The following FAH variants were observed in gnomAD, a reference collection of about 807,000 sequenced individuals.
FAH encodes the protein fumarylacetoacetase.
In FAH, 47 loss-of-function variants were observed where a neutral mutation model predicts 55.8. The ratio of observed to expected loss-of-function variants is 0.84; its 90% CI spans 0.67 to 1.07. The LOEUF is 1.07. Ranked by LOEUF, FAH falls within the 50% of genes least tolerant of loss-of-function variation. FAH has a pLI of 0.00. For synonymous variants in FAH, 199 were observed against 207.7 expected (o/e 0.96, Z 0.36); for missense variants, 495 against 545.9 (o/e 0.91, Z 0.93).
Position 80,153,223 on chromosome 15 carries a change from G to GA in FAH, c.81+90dup, listed in dbSNP as rs541677717. 2.6e-5 allele frequency: 28 copies of GA among 1,095,414 alleles called. No homozygotes were observed. In the East Asian group the frequency reaches 6.6e-4, roughly 26 times the overall value. The allele number at this position is 1,095,414 out of a possible 1,614,324, so 67.9% of individuals were successfully genotyped here. A position where few individuals can be genotyped will look rare whatever the true frequency, so the allele number is the denominator to read the frequency against. ...GAGTGGAGTGGAGTGGAATGGAGTG[G>GA]AATGAGGGGCGGGATGGAGGCTTGT... is the stretch of plus-strand genomic sequence containing the variant. On this transcript the variant is annotated intron_variant, in intron 1 of 13. Transcript: ENST00000561421.
chr15:80,158,487 G>C (rs1271658613), intron 2 of FAH, among the ~76,000 whole-genome samples: 1 of 152,200 alleles, frequency 6.6e-6, no homozygotes, highest in Non-Finnish European at 1.5e-5. Flanking sequence ...TTGTCAAGCT[G>C]TTTGAGCCTC....
At chr15:80,174,960 C>T (rs2041269931) in intron 9 of FAH, 56 bp from the exon 10 acceptor site, 5 of 1,518,466 alleles carry the variant, frequency 3.3e-6, no homozygotes, top group Non-Finnish European at 3.7e-6. Context: ...GGGGGCCCAG[C>T]CGGGTGAGCT....
chr15:80,172,758 C>T (rs1199925037), intron 8 of FAH, among the ~76,000 whole-genome samples: 5 of 152,238 alleles, frequency 3.3e-5, no homozygotes, highest in Non-Finnish European at 7.3e-5. Flanking sequence ...GAGCTTCCAG[C>T]CCCTTCCTGG....
Position 80,158,170 on chromosome 15 carries a change from G to C in FAH, c.192G>C (p.Gln64His). ...VLSKHQDVFNQPTLNSFMGLG... is the reference protein window; with the variant it reads ...VLSKHQDVFNHPTLNSFMGLG... Reference sequence around the variant, plus strand: ...CCAAACACCAGGATGTCTTCAATCAGGTAGGACATTGTGAAACGACTTGTC... The same window carrying C: ...CCAAACACCAGGATGTCTTCAATCACGTAGGACATTGTGAAACGACTTGTC... The change falls in exon 2 of 14, where the codon CAG (glutamine) becomes CAC (histidine). Residue 64 changes from glutamine to histidine, a missense_variant and splice_region_variant. Physicochemically the swap from Gln to His is conservative, Grantham distance 24. Transcript: ENST00000561421. The C allele has an allele frequency of 6.2e-7, 1 of 1,606,400 alleles. No individual in the cohort carries two copies. The highest frequency in any genetic ancestry group is 1.1e-5 in the South Asian group (1 of 90,914).
chr15:80,177,703 C>A, intron 11 of FAH, 120 bp downstream of exon 11: 1 of 894,136 alleles, frequency 1.1e-6, no homozygotes, highest in Non-Finnish European at 1.9e-6. Context: ...AGCCTGTGGG[C>A]CTGGAGCTTC....
At chr15:80,163,044 A>G (rs2041161754) in intron 5 of FAH, 1 of 155,810 alleles carries the variant, frequency 6.4e-6, no homozygotes, top group Admixed American at 6.2e-5. Flanking sequence ...TCAGTCACAC[A>G]CAGGAGCTGG....
chr15:80,169,323 C>A (rs1167171931), intron 7 of FAH, among the ~76,000 whole-genome samples: 1 of 151,920 alleles, frequency 6.6e-6, no homozygotes, highest in East Asian at 2.0e-4. Flanking sequence ...GCGGAGGTTG[C>A]AGTGAGCTGA....
chr15:80,154,989 G>T (rs2041086417), intron 1 of FAH, among the ~76,000 whole-genome samples: 1 of 152,188 alleles, frequency 6.6e-6, no homozygotes, highest in South Asian at 2.1e-4. Flanking sequence ...CAGCCACATT[G>T]GCTGCCTTTG....
At chr15:80,161,442 T>A (rs1173777496) in intron 4 of FAH, among the ~76,000 whole-genome samples, 1 of 152,216 alleles carries the variant, frequency 6.6e-6, no homozygotes, top group Non-Finnish European at 1.5e-5. Context: ...GCTGTTGGTA[T>A]TGATGAATAT....
chr15:80,178,411 CT>C (rs901876612), intron 11 of FAH, among the ~76,000 whole-genome samples: 1 of 151,938 alleles, frequency 6.6e-6, no homozygotes, highest in Non-Finnish European at 1.5e-5. Context: ...TATTTTTTTT[CT>C]GTTTTTCAGT....
Position 80,172,521 on chromosome 15 carries a change from A to T in FAH, c.706+273A>T, listed in dbSNP as rs74027248. 5.5e-3 allele frequency among the ~76,000 whole-genome samples: 840 copies of T among 152,204 alleles called. 8 individuals are homozygous for T. Among genetic ancestry groups the T allele is most frequent in the African/African-American group, 0.019 (801 of 41,506 alleles). On this transcript the variant is annotated intron_variant, in intron 8 of 13. Transcript: ENST00000561421. ...CACTTATGTGTCAGGCCCTGTGCTTAACACCCTTCGTATATTCTCCCGCTG... is the reference window on the plus strand; with the variant it reads ...CACTTATGTGTCAGGCCCTGTGCTTTACACCCTTCGTATATTCTCCCGCTG...
chr15:80,173,950 C>A (rs1490416206), intron 9 of FAH, among the ~76,000 whole-genome samples: 1 of 152,180 alleles, frequency 6.6e-6, no homozygotes, highest in Non-Finnish European at 1.5e-5. Flanking sequence ...TACCAACACC[C>A]GGTGCTGGTC....
At chr15:80,181,259 CACGCATCCTG>C in intron 13 of FAH, 100 bp downstream of exon 13, 1 of 810,044 alleles carries the variant, frequency 1.2e-6, no homozygotes, top group South Asian at 1.4e-5. Context: ...CATCTGTTCT[CACGCATCCTG>C]ACTCTGCCTC....
chr15:80,177,596 G>T lies in FAH; in HGVS notation c.960+13G>T. ...GTCCAATTTTAAGGTAAGCTTTGAC[G>T]CTGATCAGACTGCTTTTTAGAATTG... On this transcript the variant is annotated intron_variant, in intron 11 of 13. Coordinates refer to ENST00000561421, the MANE Select transcript of FAH (RefSeq NM_000137.4). 6.2e-7 allele frequency: 1 copy of T among 1,610,974 alleles called. No individual in the cohort carries two copies. The highest frequency in any genetic ancestry group is 1.3e-5 in the African/African-American group (1 of 74,982).
rs770713168 is a variant in FAH, at chr15:80,180,137, C to T, written c.974C>T (p.Thr325Met). The change falls in exon 12 of 14, where the codon ACG becomes ATG. Residue 325 changes from threonine (T) to methionine (M), a missense_variant. Physicochemically the swap from Thr to Met is moderately conservative, Grantham distance 81 (BLOSUM62 -1). Transcript: ENST00000561421. ...CATTGCCTGCAGTACATGTACTGGA[C>T]GATGCTGCAGCAGCTCACTCACCAC... The part of the protein sequence containing the change: ...CKSNFKYMYW[T>M]MLQQLTHHSV... The T allele has an allele frequency of 7.5e-6, 12 of 1,610,184 alleles. No homozygotes were observed. Among genetic ancestry groups the T allele is most frequent in the Middle Eastern group, 1.6e-4 (1 of 6,062 alleles).
chr15:80,175,209 A>T (rs372902201), intron 10 of FAH, 118 bp downstream of exon 10: 7 of 899,024 alleles, frequency 7.8e-6, no homozygotes, highest in East Asian at 4.9e-5. Context: ...AGCCCTGGAG[A>T]TGTGTGTGGC....
At position 80,186,258 on chromosome 15, in the gene FAH, C is replaced by G. The variant is rs755736456; in HGVS notation, c.*49C>G. On this transcript the variant is annotated 3_prime_UTR_variant, in exon 14 of 14. Coordinates refer to ENST00000561421, the MANE Select transcript of FAH (RefSeq NM_000137.4). ...CAAAGGGCTCAAGCACCCCTTTCAA[C>G]CCTGTGACTGGGGTCCTCCCTCGGG... 3 of 1,091,112 alleles carry G rather than the reference C, an allele frequency of 2.7e-6. No individual in the cohort carries two copies. Among genetic ancestry groups the G allele is most frequent in the Non-Finnish European group, 3.9e-6 (3 of 772,360 alleles). The allele number at this position is 1,091,112 out of a possible 1,614,324, so 67.6% of individuals were successfully genotyped here.
intron 10 of FAH, 106 bp downstream of exon 10, chr15:80,175,197 A>G: frequency 1.0e-6 from 1 of 989,658 alleles, no homozygotes. Flanking sequence ...GGCACGTGCT[A>G]CAGCCCTGGA....
At chr15:80,152,962 G>T (rs550679976), upstream of FAH, 21 of 1,114,566 alleles carry the variant, frequency 1.9e-5, no homozygotes, top group South Asian at 1.5e-4. Flanking sequence ...GGGCGGGCAG[G>T]GGGGCGGGGC....
Sources: allele counts gnomAD v4.1 joint callset (sites outside exome capture counted in the v4.1 genomes callset), GRCh38; gene constraint gnomAD v4.1.1; transcripts MANE v1.5; gene names NCBI Gene and HGNC (gene_info 2026-07-23, HGNC 2026-07-21).